OXR1: variants seen among roughly 807,000 people sequenced by gnomAD.
OXR1 encodes the protein oxidation resistance protein 1.
In OXR1, 41 loss-of-function variants were observed where a neutral mutation model predicts 104.6. The ratio of observed to expected loss-of-function variants is 0.39; its 90% CI spans 0.31 to 0.51. OXR1 has a LOEUF of 0.51. Ranked by LOEUF, OXR1 falls within the 20% of genes least tolerant of loss-of-function variation. OXR1 has a pLI of 0.77. For synonymous variants in OXR1, 348 were observed against 348.4 expected (o/e 1.00, Z 0.01); for missense variants, 955 against 1,031.9 (o/e 0.93, Z 1.02).
At chr8:106,529,911 G>A (rs1015323647) in intron 3 of OXR1, among the ~76,000 whole-genome samples, 2 of 152,152 alleles carry the variant, frequency 1.3e-5, no homozygotes, top group African/African-American at 4.8e-5. Flanking sequence ...ATTGTTCATG[G>A]TTGAGAAATA....
At chr8:106,534,739 AATAAG>A (rs1393851177) in intron 3 of OXR1, among the ~76,000 whole-genome samples, 1 of 152,236 alleles carries the variant, frequency 6.6e-6, no homozygotes, top group Admixed American at 6.5e-5. Context: ...GTGATTATTA[AATAAG>A]ATAGTGCATG....
chr8:106,603,401 G>T (rs73699600), intron 3 of OXR1, among the ~76,000 whole-genome samples: 2,575 of 152,052 alleles, frequency 0.017, 27 homozygotes, highest in East Asian at 0.034. Context: ...CAAAAAAAAA[G>T]TCAGTAACAT....
intron 2 of OXR1, 34 bp downstream of exon 2, chr8:106,359,670 T>A: frequency 6.8e-7 from 1 of 1,463,086 alleles, no homozygotes; most frequent in Non-Finnish European, 9.4e-7. Flanking sequence ...TAAATGTAAA[T>A]GAAAATATAT....
At chr8:106,409,452 A>G (rs918568084) in intron 2 of OXR1, among the ~76,000 whole-genome samples, 3 of 152,170 alleles carry the variant, frequency 2.0e-5, no homozygotes, top group African/African-American at 7.2e-5. Context: ...CAAACAAAAA[A>G]CAGGAAGGGA....
At chr8:106,563,670 A>G (rs571726392) in intron 3 of OXR1, among the ~76,000 whole-genome samples, 1 of 152,322 alleles carries the variant, frequency 6.6e-6, no homozygotes, top group South Asian at 2.1e-4. Context: ...CTCCACTTCA[A>G]ATCAACAGAA....
intron 1 of OXR1, among the ~76,000 whole-genome samples, chr8:106,333,158 T>G (rs1453662036): frequency 6.6e-6 from 1 of 152,108 alleles, no homozygotes; most frequent in Non-Finnish European, 1.5e-5. Context: ...TATGGATACC[T>G]AGGAATGGGA....
chr8:106,452,068 A>C (rs1412416014), intron 2 of OXR1, among the ~76,000 whole-genome samples: 1 of 152,198 alleles, frequency 6.6e-6, no homozygotes, highest in African/African-American at 2.4e-5. Context: ...TGCAGGACAC[A>C]TGGAACATAG....
intron 3 of OXR1, among the ~76,000 whole-genome samples, chr8:106,520,076 A>G (rs1813150760): frequency 6.6e-6 from 1 of 152,176 alleles, no homozygotes; most frequent in Non-Finnish European, 1.5e-5. Flanking sequence ...GTCACATCCA[A>G]AAGCTGTAAT....
chr8:106,636,043 C>G (rs1823105856), intron 3 of OXR1, among the ~76,000 whole-genome samples: 1 of 152,180 alleles, frequency 6.6e-6, no homozygotes, highest in African/African-American at 2.4e-5. Context: ...GATGATGGCT[C>G]TGTTCTAGCC....
intron 3 of OXR1, among the ~76,000 whole-genome samples, chr8:106,636,869 GA>G (rs1823185843): frequency 6.6e-6 from 1 of 152,246 alleles, no homozygotes; most frequent in East Asian, 1.9e-4. Context: ...CTATTTATAG[GA>G]AGCCGCATTC....
intron 2 of OXR1, among the ~76,000 whole-genome samples, chr8:106,437,985 G>A (rs1254373074): frequency 4.6e-5 from 7 of 152,132 alleles, no homozygotes; most frequent in Non-Finnish European, 8.8e-5. Flanking sequence ...CTGGAGAGAT[G>A]TAAGCAAAAA....
At chr8:106,593,614 T>TA (rs11403349) in intron 3 of OXR1, among the ~76,000 whole-genome samples, 32,234 of 151,902 alleles carry the variant, frequency 0.21, 3,551 homozygotes, top group East Asian at 0.34. Context: ...CCGTCTCTGC[T>TA]AAAATACAAA....
At chr8:106,616,030 CTTTTTTTTTTT>C (rs10718309) in intron 3 of OXR1, among the ~76,000 whole-genome samples, 5 of 73,334 alleles carry the variant, frequency 6.8e-5, no homozygotes, top group Non-Finnish European at 1.2e-4. Context: ...GAAACACCTT[CTTTTTTTTTTT>C]TTTTTTTTTT....
At chr8:106,280,559 T>G (rs3920108) in intron 1 of OXR1, among the ~76,000 whole-genome samples, 51,539 of 151,898 alleles carry the variant, frequency 0.34, 12,568 homozygotes, top group African/African-American at 0.69. Flanking sequence ...TAGAATGGTG[T>G]TTGCAAGGGG....
chr8:106,641,471 G>C (rs1823623094), intron 3 of OXR1, among the ~76,000 whole-genome samples: 2 of 152,188 alleles, frequency 1.3e-5, no homozygotes, highest in Admixed American at 1.3e-4. Context: ...ATTGAATATT[G>C]TGTCTAGATA....
At chr8:106,656,764 C>T (rs1825124986) in intron 3 of OXR1, among the ~76,000 whole-genome samples, 1 of 150,562 alleles carries the variant, frequency 6.6e-6, no homozygotes, top group South Asian at 2.1e-4. Context: ...ATTTATCCCA[C>T]CTAGTAAGAA....
chr8:106,293,051 G>T (rs1191944424), intron 1 of OXR1, among the ~76,000 whole-genome samples: 2 of 152,110 alleles, frequency 1.3e-5, no homozygotes, highest in Admixed American at 6.6e-5. Flanking sequence ...AGCTGGATCT[G>T]GGATATATTT....
intron 2 of OXR1, among the ~76,000 whole-genome samples, chr8:106,360,769 A>T (rs181348439): frequency 6.6e-6 from 1 of 152,168 alleles, no homozygotes; most frequent in South Asian, 2.1e-4. Flanking sequence ...TAATTTTTGT[A>T]GAACCTGTGA....
chr8:106,454,351 C>T (rs1412621862), intron 2 of OXR1, among the ~76,000 whole-genome samples: 1 of 151,502 alleles, frequency 6.6e-6, no homozygotes, highest in Non-Finnish European at 1.5e-5. Flanking sequence ...GTCCCAGCTA[C>T]TCGGGAGGCT....
Sources: gnomAD v4.1 joint callset for allele counts (sites outside exome capture counted in the v4.1 genomes callset) on GRCh38, gnomAD v4.1.1 for gene constraint, MANE v1.5 for transcripts, NCBI Gene and HGNC (gene_info 2026-07-23, HGNC 2026-07-21) for gene names.